Variants in SRD5A1 observed in about 807,000 individuals in gnomAD.
The protein encoded by SRD5A1 is 3-oxo-5-alpha-steroid 4-dehydrogenase 1.
Under a neutral mutation model 28.2 loss-of-function variants are expected in SRD5A1, and 22 were observed. The observed-to-expected ratio is 0.78, with a 90% confidence interval of 0.56 to 1.12. The LOEUF (loss-of-function observed/expected upper bound fraction) is 1.12, where lower values mean the gene tolerates loss of function less well. Among genes scored for constraint, SRD5A1 ranks in the 50% most tolerant of loss-of-function variants. The probability of loss-of-function intolerance (pLI) is 0.00; values close to 1 mark genes in which losing one functional copy is unlikely to be tolerated. For missense variants in SRD5A1, 300 were observed against 346.7 expected (o/e 0.87, Z 1.07); for synonymous variants, 151 against 135.0 (o/e 1.12, Z -0.82).
At chr5:6,645,124 CAGGAGTTA>C (rs1363103864) in intron 1 of SRD5A1, 1 of 401,440 alleles carries the variant, frequency 2.5e-6, no homozygotes, top group Non-Finnish European at 5.0e-6. Flanking sequence ...ATGTCTTCCC[CAGGAGTTA>C]AGTGGGAGTG....
chr5:6,651,019 T>G (rs1361054306), intron 1 of SRD5A1, among the ~76,000 whole-genome samples: 3 of 151,940 alleles, frequency 2.0e-5, no homozygotes, highest in African/African-American at 4.8e-5. Context: ...CCACTCTGAG[T>G]CTTAATTTTA....
At chr5:6,650,936 G>A (rs1738653991) in intron 1 of SRD5A1, among the ~76,000 whole-genome samples, 1 of 151,922 alleles carries the variant, frequency 6.6e-6, no homozygotes, top group Non-Finnish European at 1.5e-5. Context: ...GAATGAACAT[G>A]ATCTTTCAAT....
chr5:6,674,000 T>G lies in SRD5A1; in HGVS notation c.*5732T>G, dbSNP rs1196168342. ...CAAACAAATTTTAGGGCAGTGAAAC[T>G]ATTATTATGATACTTTATGGATATA... is the stretch of plus-strand genomic sequence containing the variant. On this transcript the variant is annotated 3_prime_UTR_variant, in exon 5 of 5. Coordinates refer to ENST00000274192, the MANE Select transcript of SRD5A1 (RefSeq NM_001047.4). The G allele has an allele frequency of 2.6e-5, 4 of 152,172 alleles. No individual in the cohort carries two copies. The highest frequency in any genetic ancestry group is 9.7e-5 in the African/African-American group (4 of 41,438). 9.4% of individuals were successfully genotyped at this position (152,172 alleles called of 1,614,324 possible). A position where few individuals can be genotyped will look rare whatever the true frequency, so the allele number is the denominator to read the frequency against.
chr5:6,648,396 C>G (rs534390937), intron 1 of SRD5A1, among the ~76,000 whole-genome samples: 2 of 152,282 alleles, frequency 1.3e-5, no homozygotes, highest in African/African-American at 4.8e-5. Context: ...TCCATTCTCC[C>G]CGTCACTTTC....
rs573198744 is a variant in SRD5A1, at chr5:6,649,117, C to T, written c.294-2725C>T. Reference sequence around the variant, plus strand: ...GGAAGCTTCATCCCAGAGGGGCACCCGCCAGATGCCAGCCAGAGCTCTCCA... The same window carrying T: ...GGAAGCTTCATCCCAGAGGGGCACCTGCCAGATGCCAGCCAGAGCTCTCCA... On this transcript the variant is annotated intron_variant, in intron 1 of 4. Coordinates refer to ENST00000274192, the MANE Select transcript of SRD5A1 (RefSeq NM_001047.4). Among the ~76,000 whole-genome samples the T allele has an allele frequency of 3.9e-5, 6 of 152,248 alleles. No homozygotes were observed. The East Asian group carries it at 5.8e-4, about 15-fold the overall frequency.
chr5:6,633,874 C>T lies in SRD5A1; in HGVS notation c.293+5C>T, dbSNP rs1560990567. 3 of 1,596,724 alleles carry T rather than the reference C, an allele frequency of 1.9e-6. No individual in the cohort carries two copies. The highest frequency in any genetic ancestry group is 2.7e-5 in the African/African-American group (2 of 74,752). Reference sequence around the variant, plus strand: ...CCTCGTCCACTACGGGCATCGGTAACGTCCCCGGCCCCCGGCCCCCTACCC... The same window carrying T: ...CCTCGTCCACTACGGGCATCGGTAATGTCCCCGGCCCCCGGCCCCCTACCC... On this transcript the variant is annotated splice_donor_5th_base_variant and intron_variant, in intron 1 of 4. Coordinates refer to ENST00000274192, the MANE Select transcript of SRD5A1 (RefSeq NM_001047.4).
chr5:6,634,802 T>A (rs930927728), intron 1 of SRD5A1, among the ~76,000 whole-genome samples: 2 of 152,224 alleles, frequency 1.3e-5, no homozygotes, highest in African/African-American at 4.8e-5. Flanking sequence ...TCTAATAAGT[T>A]GGGGTTCTCT....
At position 6,673,262 on chromosome 5, in the gene SRD5A1, C is replaced by G. The variant is rs2126562102; in HGVS notation, c.*4994C>G. The stretch of plus-strand genomic sequence containing the variant: ...CATAACAATAAGCCAGTTCTTTTTG[C>G]TTTGAATCAGAAATAGCTCCATCAG... On this transcript the variant is annotated 3_prime_UTR_variant, in exon 5 of 5. Coordinates refer to ENST00000274192, the MANE Select transcript of SRD5A1 (RefSeq NM_001047.4). The G allele has an allele frequency of 6.6e-6, 1 of 152,294 alleles. No homozygotes were observed. The highest frequency in any genetic ancestry group is 1.9e-4 in the East Asian group (1 of 5,184). The allele number at this position is 152,294 out of a possible 1,614,324, so 9.4% of individuals were successfully genotyped here.
At chr5:6,636,672 T>A (rs186832025) in intron 1 of SRD5A1, among the ~76,000 whole-genome samples, 1 of 152,084 alleles carries the variant, frequency 6.6e-6, no homozygotes, top group Non-Finnish European at 1.5e-5. Context: ...TACAGGACAG[T>A]CAGGTCAAGG....
rs1221712836 is a variant in SRD5A1 at position 6,672,916 on chromosome 5, C to G, written c.*4648C>G. On this transcript the variant is annotated 3_prime_UTR_variant, in exon 5 of 5. Coordinates refer to ENST00000274192, the MANE Select transcript of SRD5A1 (RefSeq NM_001047.4). ...TGGTCTAAAATACACATGTGGGAGGCGGGATTGTAGAAATATCTCAAATTA... is the reference window on the plus strand; with the variant it reads ...TGGTCTAAAATACACATGTGGGAGGGGGGATTGTAGAAATATCTCAAATTA... 1 of 152,088 alleles carries G rather than the reference C, an allele frequency of 6.6e-6. No homozygotes were observed. Among genetic ancestry groups the G allele is most frequent in the Non-Finnish European group, 1.5e-5 (1 of 68,012 alleles). 9.4% of individuals were successfully genotyped at this position (152,088 alleles called of 1,614,324 possible).
At chr5:6,663,919 G>C (rs1739085193) in intron 4 of SRD5A1, among the ~76,000 whole-genome samples, 1 of 152,108 alleles carries the variant, frequency 6.6e-6, no homozygotes, top group Non-Finnish European at 1.5e-5. Flanking sequence ...TGAATTTAGA[G>C]AACATCTTTC....
At chr5:6,655,410 G>A (rs8192200) in intron 2 of SRD5A1, among the ~76,000 whole-genome samples, 2,635 of 152,300 alleles carry the variant, frequency 0.017, 35 homozygotes, top group Non-Finnish European at 0.027. Flanking sequence ...GAGAAAACTG[G>A]GGATACCGTG....
At chr5:6,635,057 T>A (rs547573581) in intron 1 of SRD5A1, among the ~76,000 whole-genome samples, 2 of 152,348 alleles carry the variant, frequency 1.3e-5, no homozygotes, top group East Asian at 3.9e-4. Context: ...AGTGTGTGTT[T>A]ATAAGCCTCT....
chr5:6,637,583 C>T (rs1378950965), intron 1 of SRD5A1, among the ~76,000 whole-genome samples: 1 of 152,222 alleles, frequency 6.6e-6, no homozygotes, highest in Non-Finnish European at 1.5e-5. Flanking sequence ...GGCTGCTTTG[C>T]TCATGGATTT....
At position 6,664,759 on chromosome 5, in the gene SRD5A1, C is replaced by T. The variant is rs8192229; in HGVS notation, c.713+1793C>T. ...GCATAAATGTGAGCTCTAAGAGCAG[C>T]GCCCCGCATTCTTCGAGACACTCCA... is the stretch of plus-strand genomic sequence containing the variant. On this transcript the variant is annotated intron_variant, in intron 4 of 4. Coordinates refer to ENST00000274192, the MANE Select transcript of SRD5A1 (RefSeq NM_001047.4). 2.2e-3 allele frequency among the ~76,000 whole-genome samples: 330 copies of T among 152,334 alleles called. 2 individuals carry two copies. Among genetic ancestry groups the T allele is most frequent in the African/African-American group, 7.7e-3 (322 of 41,580 alleles).
At chr5:6,655,245 T>C (rs747213495) in intron 2 of SRD5A1, among the ~76,000 whole-genome samples, 1 of 152,258 alleles carries the variant, frequency 6.6e-6, no homozygotes, top group Non-Finnish European at 1.5e-5. Flanking sequence ...TTTAAAAAAG[T>C]ATATCAGAAC....
intron 1 of SRD5A1, among the ~76,000 whole-genome samples, chr5:6,640,898 A>G (rs1027820673): frequency 1.3e-5 from 2 of 152,228 alleles, no homozygotes; most frequent in Non-Finnish European, 2.9e-5. Flanking sequence ...TCTCTTAAAA[A>G]TGGTTTCCAT....
chr5:6,639,645 A>G (rs1738301943), intron 1 of SRD5A1, among the ~76,000 whole-genome samples: 1 of 152,178 alleles, frequency 6.6e-6, no homozygotes, highest in African/African-American at 2.4e-5. Context: ...TTGCTTGTTT[A>G]TTAATTTCGC....
rs561974697 is a variant in SRD5A1 at position 6,647,094 on chromosome 5, G to T, written c.294-4748G>T. Among the ~76,000 whole-genome samples, 654 of 152,298 alleles carry T rather than the reference G, an allele frequency of 4.3e-3. 3 individuals carry two copies. Among genetic ancestry groups the T allele is most frequent in the Non-Finnish European group, 7.0e-3 (473 of 68,024 alleles). ...CATGTAGTTGTGTGGTTTTGAGTGA[G>T]TTTCTTAATCTTGAGTTCTAATTTG... On this transcript the variant is annotated intron_variant, in intron 1 of 4. Coordinates refer to ENST00000274192, the MANE Select transcript of SRD5A1 (RefSeq NM_001047.4).
Sources: gnomAD v4.1 joint callset for allele counts (sites outside exome capture counted in the v4.1 genomes callset) on GRCh38, gnomAD v4.1.1 for gene constraint, MANE v1.5 for transcripts, NCBI Gene and HGNC (gene_info 2026-07-23, HGNC 2026-07-21) for gene names.